The following PPP3CA variants were observed in gnomAD, a reference collection of about 807,000 sequenced individuals.
PPP3CA encodes the protein protein phosphatase 3 catalytic subunit alpha, also known as CAM-PRP catalytic subunit.
Under a neutral mutation model 66.5 loss-of-function variants are expected in PPP3CA, and 14 were observed. That is an observed-to-expected ratio of 0.21 (90% CI 0.14 to 0.33). The LOEUF is 0.33. Among genes scored for constraint, PPP3CA ranks in the 10% least tolerant of loss-of-function variants. The probability of loss-of-function intolerance (pLI) is 1.00; values close to 1 mark genes in which losing one functional copy is unlikely to be tolerated. For synonymous variants in PPP3CA, 232 were observed against 226.2 expected (o/e 1.03, Z -0.23); for missense variants, 317 against 639.5 (o/e 0.50, Z 5.44).
intron 2 of PPP3CA, among the ~76,000 whole-genome samples, chr4:101,166,919 G>A (rs1723711469): frequency 6.6e-6 from 1 of 152,122 alleles, no homozygotes; most frequent in Non-Finnish European, 1.5e-5. Flanking sequence ...AGAAAGCAAT[G>A]AGACAATATT....
intron 10 of PPP3CA, among the ~76,000 whole-genome samples, chr4:101,051,069 G>A (rs1727987117): frequency 6.6e-6 from 1 of 152,050 alleles, no homozygotes; most frequent in African/African-American, 2.4e-5. Context: ...TTTGCAGTCA[G>A]AACAAAATAG....
chr4:101,120,956 C>A (rs1722007423), intron 2 of PPP3CA, among the ~76,000 whole-genome samples: 1 of 152,002 alleles, frequency 6.6e-6, no homozygotes, highest in Admixed American at 6.6e-5. Context: ...CCACAAATAT[C>A]TAAGGAAACT....
At chr4:101,235,893 G>A (rs533757272) in intron 1 of PPP3CA, among the ~76,000 whole-genome samples, 2 of 151,838 alleles carry the variant, frequency 1.3e-5, no homozygotes, top group Non-Finnish European at 2.9e-5. Context: ...AATTCTTTCT[G>A]TATTTAAATT....
intron 1 of PPP3CA, among the ~76,000 whole-genome samples, chr4:101,264,528 G>C (rs191956125): frequency 6.6e-6 from 1 of 152,146 alleles, no homozygotes; most frequent in Non-Finnish European, 1.5e-5. Context: ...CATTCTTCAT[G>C]AATCAGTTTT....
In PPP3CA at chr4:101,247,418, TC is replaced by T. The variant is rs752417149; in HGVS notation, c.59-51303del. On this transcript the variant is annotated intron_variant, in intron 1 of 13. Transcript: ENST00000394854. Reference sequence around the variant, plus strand: ...CTCAGGTGATTCTCCCACCTCAGCCTCCCAAAGTGCTGGGATTACAGGCCTC... The same window carrying T: ...CTCAGGTGATTCTCCCACCTCAGCCTCCAAAGTGCTGGGATTACAGGCCTC... 1.7e-4 allele frequency among the ~76,000 whole-genome samples: 26 copies of T among 152,222 alleles called. 1 individual carries two copies. The highest frequency in any genetic ancestry group is 7.8e-4 in the Admixed American group (12 of 15,292).
At chr4:101,252,273 T>C (rs1726702081) in intron 1 of PPP3CA, among the ~76,000 whole-genome samples, 5 of 152,166 alleles carry the variant, frequency 3.3e-5, no homozygotes, top group Admixed American at 3.3e-4. Context: ...TTTCCCATGT[T>C]AGTCGTGAAA....
chr4:101,268,522 T>C (rs980001004), intron 1 of PPP3CA, among the ~76,000 whole-genome samples: 1 of 152,118 alleles, frequency 6.6e-6, no homozygotes, highest in Non-Finnish European at 1.5e-5. Flanking sequence ...AATATGTCTA[T>C]ACCACTATAA....
At chr4:101,194,356 A>T (rs980976593) in intron 2 of PPP3CA, among the ~76,000 whole-genome samples, 2 of 152,178 alleles carry the variant, frequency 1.3e-5, no homozygotes, top group Non-Finnish European at 2.9e-5. Context: ...GAAGACCAAT[A>T]ATTTTAAAAG....
chr4:101,024,384 T>A lies in PPP3CA; in HGVS notation c.*1481A>T, dbSNP rs1726528815. 6.6e-6 allele frequency: 1 copy of A among 152,648 alleles called. No individual in the cohort carries two copies. Among genetic ancestry groups the A allele is most frequent in the Non-Finnish European group, 1.5e-5 (1 of 68,040 alleles). 9.5% of individuals were successfully genotyped at this position (152,648 alleles called of 1,614,324 possible). Reference sequence around the variant, plus strand: ...ATAAAATGCTTTTTCTTTTTCATTGTTACAAGTGCATGCTTTGATTGCCAA... The same window carrying A: ...ATAAAATGCTTTTTCTTTTTCATTGATACAAGTGCATGCTTTGATTGCCAA... On this transcript the variant is annotated 3_prime_UTR_variant, in exon 14 of 14. Transcript: ENST00000394854.
chr4:101,179,715 TAA>T (rs1247292029), intron 2 of PPP3CA, among the ~76,000 whole-genome samples: 2 of 152,172 alleles, frequency 1.3e-5, no homozygotes, highest in African/African-American at 4.8e-5. Context: ...AAATACTTAA[TAA>T]ATACAAATTC....
chr4:101,141,491 T>C (rs550155689), intron 2 of PPP3CA, among the ~76,000 whole-genome samples: 2 of 152,328 alleles, frequency 1.3e-5, no homozygotes, highest in South Asian at 2.1e-4. Context: ...ACAGTGGTCA[T>C]GCTCTCCTAA....
intron 13 of PPP3CA, among the ~76,000 whole-genome samples, chr4:101,026,521 C>T (rs938518012): frequency 6.6e-6 from 1 of 152,090 alleles, no homozygotes; most frequent in African/African-American, 2.4e-5. Flanking sequence ...AGTATGTTTG[C>T]TATACCTAAA....
chr4:101,165,667 C>A (rs980393258), intron 2 of PPP3CA, among the ~76,000 whole-genome samples: 1 of 152,120 alleles, frequency 6.6e-6, no homozygotes, highest in Non-Finnish European at 1.5e-5. Flanking sequence ...ATAAAATGTA[C>A]TAACCTTTCA....
intron 1 of PPP3CA, among the ~76,000 whole-genome samples, chr4:101,264,467 A>C (rs1727106700): frequency 6.6e-6 from 1 of 152,012 alleles, no homozygotes; most frequent in African/African-American, 2.4e-5. Flanking sequence ...AAAGTTAACA[A>C]AAAGAAAAAA....
chr4:101,128,941 GT>G (rs1722336843), intron 2 of PPP3CA, among the ~76,000 whole-genome samples: 1 of 152,112 alleles, frequency 6.6e-6, no homozygotes, highest in Non-Finnish European at 1.5e-5. Flanking sequence ...AGGGAGCCAA[GT>G]GGTCTTGCTC....
At chr4:101,323,353 T>G (rs562879756) in intron 1 of PPP3CA, among the ~76,000 whole-genome samples, 20 of 152,334 alleles carry the variant, frequency 1.3e-4, no homozygotes, top group African/African-American at 4.8e-4. Context: ...AGACTAAAAT[T>G]TGGATTTATT....
intron 2 of PPP3CA, among the ~76,000 whole-genome samples, chr4:101,153,408 C>T (rs1038730111): frequency 2.6e-5 from 4 of 152,144 alleles, no homozygotes; most frequent in African/African-American, 9.7e-5. Flanking sequence ...TTCTTAATAA[C>T]ATTCATTTCA....
At chr4:101,060,972 T>C in intron 10 of PPP3CA, 115 bp downstream of exon 10, 1 of 860,220 alleles carries the variant, frequency 1.2e-6, no homozygotes, top group Non-Finnish European at 1.9e-6. Context: ...TTATTCTCAA[T>C]AATGTTACGT....
intron 2 of PPP3CA, among the ~76,000 whole-genome samples, chr4:101,118,099 C>T (rs1721901721): frequency 6.6e-6 from 1 of 152,164 alleles, no homozygotes; most frequent in South Asian, 2.1e-4. Flanking sequence ...TTTGGGCCTT[C>T]CAAGCCTATG....
Sources: gnomAD v4.1 joint callset for allele counts (sites outside exome capture counted in the v4.1 genomes callset) on GRCh38, gnomAD v4.1.1 for gene constraint, MANE v1.5 for transcripts, NCBI Gene and HGNC (gene_info 2026-07-23, HGNC 2026-07-21) for gene names.